Variants in THBS2 observed in about 807,000 individuals in gnomAD.
THBS2 encodes the protein thrombospondin 2.
A neutral mutation model predicts 135.2 loss-of-function variants in THBS2; 47 were observed. The observed-to-expected ratio is 0.35, with a 90% CI of 0.28 to 0.44. The LOEUF is 0.44. Among genes scored for constraint, THBS2 ranks in the 20% least tolerant of loss-of-function variants. The probability of loss-of-function intolerance (pLI) is 1.00; values close to 1 mark genes in which losing one functional copy is unlikely to be tolerated. For synonymous variants in THBS2, 639 were observed against 633.8 expected (o/e 1.01, Z -0.12); for missense variants, 1,288 against 1,603.1 (o/e 0.80, Z 3.36).
At chr6:169,227,103 A>C (rs774798152) in intron 15 of THBS2, among the ~76,000 whole-genome samples, 9 of 152,324 alleles carry the variant, frequency 5.9e-5, no homozygotes, top group Non-Finnish European at 1.0e-4. Flanking sequence ...GTGGAGGCAG[A>C]AATCAGTGGA....
chr6:169,237,503 G>A, intron 8 of THBS2, 122 bp downstream of exon 8: 1 of 1,522,972 alleles, frequency 6.6e-7, no homozygotes, highest in Non-Finnish European at 8.9e-7. Context: ...CACCTGGCTA[G>A]AATCCTTGCA....
rs376187789 is a variant in THBS2 at position 169,223,231 on chromosome 6, G to T, written c.3001+17C>A. ...CCGGAGAAATGCTGGCACCACCGCCGTGTCTCAGAGACTCACCTACAGCGA... is the reference window on the plus strand; with the variant it reads ...CCGGAGAAATGCTGGCACCACCGCCTTGTCTCAGAGACTCACCTACAGCGA... On this transcript the variant is annotated intron_variant, in intron 18 of 21. Coordinates refer to ENST00000617924, the MANE Select transcript of THBS2 (RefSeq NM_003247.5). 9 of 1,603,040 alleles carry T rather than the reference G, an allele frequency of 5.6e-6. No individual in the cohort carries two copies. Among genetic ancestry groups the T allele is most frequent in the Non-Finnish European group, 7.7e-6 (9 of 1,171,614 alleles).
intron 9 of THBS2, among the ~76,000 whole-genome samples, chr6:169,235,765 C>A (rs969398427): frequency 2.7e-5 from 4 of 148,696 alleles, no homozygotes; most frequent in Non-Finnish European, 6.0e-5. Context: ...ACTGCCCATA[C>A]AACTCACTCC....
intron 3 of THBS2, among the ~76,000 whole-genome samples, chr6:169,247,754 A>G (rs372172811): frequency 5.1e-4 from 77 of 151,644 alleles, no homozygotes; most frequent in African/African-American, 1.8e-3. Context: ...GTTCACATGT[A>G]TGTGTGTGGT....
chr6:169,240,623 G>C (rs372708907), intron 5 of THBS2, 31 bp from the exon 6 acceptor site: 26 of 1,611,610 alleles, frequency 1.6e-5, no homozygotes, highest in Non-Finnish European at 8.5e-7. Flanking sequence ...TTTAAGTGTA[G>C]ACAATAATAC....
At chr6:169,221,740 C>G (rs1194713211) in intron 19 of THBS2, among the ~76,000 whole-genome samples, 1 of 152,138 alleles carries the variant, frequency 6.6e-6, no homozygotes, top group Non-Finnish European at 1.5e-5. Context: ...AGCCAAGGCA[C>G]CTGACCCTCA....
At chr6:169,235,748 C>T (rs1170714047) in intron 9 of THBS2, among the ~76,000 whole-genome samples, 1 of 150,386 alleles carries the variant, frequency 6.6e-6, no homozygotes, top group African/African-American at 2.5e-5. Context: ...ACTGCCCATC[C>T]ACACTCACTG....
At chr6:169,227,578 G>A (rs375513643) in intron 15 of THBS2, among the ~76,000 whole-genome samples, 31 of 152,228 alleles carry the variant, frequency 2.0e-4, no homozygotes, top group Non-Finnish European at 8.8e-5. Context: ...TCAGAGAGAG[G>A]AGGATACCAA....
At chr6:169,231,587 C>T (rs1383371559) in intron 13 of THBS2, among the ~76,000 whole-genome samples, 4 of 152,226 alleles carry the variant, frequency 2.6e-5, no homozygotes, top group Admixed American at 1.3e-4. Flanking sequence ...GGGAAGAAAA[C>T]CATGTCCTAA....
chr6:169,235,644 C>G (rs1447631638), intron 9 of THBS2, among the ~76,000 whole-genome samples: 2 of 151,904 alleles, frequency 1.3e-5, no homozygotes, highest in Non-Finnish European at 2.9e-5. Flanking sequence ...ATCCTCTGTC[C>G]ACACTCACTA....
Position 169,252,738 on chromosome 6 carries a change from C to T in THBS2, c.-23+986G>A, listed in dbSNP as rs544055946. ...CCACGGATGAGCCAGTGCCGCTCAC[C>T]CCTGCCCCAGCCTCTGCACGCCACA... On this transcript the variant is annotated intron_variant, in intron 1 of 21. Coordinates refer to ENST00000617924, the MANE Select transcript of THBS2 (RefSeq NM_003247.5). The surrounding 1 kb of genome is among the most constrained non-coding windows in gnomAD (Gnocchi z 4.3). 7.9e-5 allele frequency among the ~76,000 whole-genome samples: 12 copies of T among 152,332 alleles called. No homozygotes were observed. The highest frequency in any genetic ancestry group is 2.9e-4 in the African/African-American group (12 of 41,580).
At chr6:169,237,534 G>A (rs1562360625) in intron 8 of THBS2, 91 bp downstream of exon 8, 1 of 1,576,832 alleles carries the variant, frequency 6.3e-7, no homozygotes, top group Non-Finnish European at 8.6e-7. Flanking sequence ...ACCTCGTGAG[G>A]GCAGCTCTGT....
In THBS2 at chr6:169,232,658, G is replaced by A. The variant is rs373845225; in HGVS notation, c.1932+6C>T. ...GCAACACACAAGGAAGGCCGGCCTTGCGTACTTGCTTTTCCGTCTTGGCTG... is the reference window on the plus strand; with the variant it reads ...GCAACACACAAGGAAGGCCGGCCTTACGTACTTGCTTTTCCGTCTTGGCTG... On this transcript the variant is annotated splice_donor_region_variant and intron_variant, in intron 12 of 21. Transcript: ENST00000617924. 1.6e-5 allele frequency: 25 copies of A among 1,594,522 alleles called. No homozygotes were observed. The African/African-American group carries it at 2.8e-4, about 18-fold the overall frequency.
chr6:169,245,023 A>T (rs755257936), intron 4 of THBS2, among the ~76,000 whole-genome samples: 1 of 152,258 alleles, frequency 6.6e-6, no homozygotes, highest in Admixed American at 6.5e-5. Context: ...TGCACCAAAG[A>T]TACCAAATCT....
chr6:169,236,358 C>A (rs374956378), intron 9 of THBS2, among the ~76,000 whole-genome samples: 23 of 115,944 alleles, frequency 2.0e-4, no homozygotes, highest in East Asian at 3.2e-4. Flanking sequence ...ATCCACACTC[C>A]CCATCCACAC....
In THBS2 at chr6:169,241,431, G is replaced by A. The variant is rs1310786566; in HGVS notation, c.891+331C>T. On this transcript the variant is annotated intron_variant, in intron 5 of 21. Transcript: ENST00000617924. The surrounding 1 kb of genome is among the most constrained non-coding windows in gnomAD (Gnocchi z 5.5). ...TGTGTGTGTGTATGTGTGTGTATGT[G>A]TGTGTGTATGTGTGTGTGTGTGTGT... Among the ~76,000 whole-genome samples, 184 of 147,818 alleles carry A rather than the reference G, an allele frequency of 1.2e-3. No individual in the cohort carries two copies. Among genetic ancestry groups the A allele is most frequent in the African/African-American group, 4.4e-3 (174 of 39,342 alleles).
chr6:169,225,400 G>A, intron 16 of THBS2, 21 bp from the exon 17 acceptor site: 1 of 1,550,152 alleles, frequency 6.5e-7, no homozygotes, highest in South Asian at 1.2e-5. Context: ...GGGCGTGAGA[G>A]AAACAGCAGA....
At chr6:169,246,883 C>T (rs946768339) in intron 3 of THBS2, among the ~76,000 whole-genome samples, 16 of 152,178 alleles carry the variant, frequency 1.1e-4, no homozygotes, top group African/African-American at 3.9e-4. Flanking sequence ...CCTACACGTC[C>T]GGGAGGGAGC....
chr6:169,218,757 A>C (rs114930349), intron 21 of THBS2, among the ~76,000 whole-genome samples: 23 of 116,938 alleles, frequency 2.0e-4, no homozygotes, highest in East Asian at 3.5e-4. Context: ...AGATGGATGG[A>C]TGGGTGGGTG....
Sources: allele counts gnomAD v4.1 joint callset (sites outside exome capture counted in the v4.1 genomes callset), GRCh38; gene constraint gnomAD v4.1.1; non-coding constraint Gnocchi (gnomAD v3.1); transcripts MANE v1.5; gene names NCBI Gene and HGNC (gene_info 2026-07-23, HGNC 2026-07-21).